The following TMEM209 variants were observed in gnomAD, a reference collection of about 807,000 sequenced individuals.
TMEM209 encodes the protein testicular tissue protein Li 202.
In TMEM209, 65 loss-of-function variants were observed where a neutral mutation model predicts 76.2. The ratio of observed to expected loss-of-function variants is 0.85; its 90% CI spans 0.70 to 1.05. The LOEUF is 1.05. Among genes scored for constraint, TMEM209 ranks in the 50% least tolerant of loss-of-function variants. TMEM209 has a pLI of 0.00. For synonymous variants in TMEM209, 239 were observed against 237.6 expected, an observed-to-expected ratio of 1.01 and a Z score of -0.06; for missense variants, 623 against 685.5, an observed-to-expected ratio of 0.91 and a Z score of 1.02.
At chr7:130,175,354 G>A in intron 11 of TMEM209, 158 bp downstream of exon 11, 1 of 587,256 alleles carries the variant, frequency 1.7e-6, no homozygotes, top group Non-Finnish European at 2.8e-6. Flanking sequence ...CCAGCTACTT[G>A]GGAGGCTGAG....
intron 1 of TMEM209, chr7:130,205,157 C>T: frequency 1.4e-6 from 2 of 1,466,576 alleles, no homozygotes; most frequent in Non-Finnish European, 1.8e-6. Context: ...GCCACTCAGC[C>T]CCCGCGTCCC....
chr7:130,190,873 T>A (rs1479246469), intron 6 of TMEM209, among the ~76,000 whole-genome samples: 1 of 151,948 alleles, frequency 6.6e-6, no homozygotes, highest in Non-Finnish European at 1.5e-5. Flanking sequence ...GGCATGCATC[T>A]GTAGTCCCAG....
At chr7:130,174,027 G>T (rs565870652) in intron 11 of TMEM209, 88 bp from the exon 12 acceptor site, 5 of 878,952 alleles carry the variant, frequency 5.7e-6, no homozygotes, top group South Asian at 5.2e-5. Context: ...TATTTATAAC[G>T]ATTCCAATTA....
chr7:130,202,421 A>T, intron 4 of TMEM209, 111 bp downstream of exon 4: 1 of 1,393,280 alleles, frequency 7.2e-7, no homozygotes, highest in Non-Finnish European at 9.7e-7. Context: ...TATCCTGCTT[A>T]AGATAGCTGA....
chr7:130,187,907 C>T (rs1232806835), intron 6 of TMEM209, among the ~76,000 whole-genome samples: 1 of 152,034 alleles, frequency 6.6e-6, no homozygotes, highest in South Asian at 2.1e-4. Context: ...ACATCAATCA[C>T]AAGGAAACAA....
chr7:130,173,794 C>A (rs1364526539), intron 12 of TMEM209, 31 bp downstream of exon 12: 1 of 1,607,246 alleles, frequency 6.2e-7, no homozygotes, highest in South Asian at 1.1e-5. Context: ...GTGTGAAAAT[C>A]TCAACACATT....
intron 7 of TMEM209, among the ~76,000 whole-genome samples, chr7:130,184,938 T>C (rs1267006156): frequency 2.6e-5 from 4 of 152,240 alleles, no homozygotes; most frequent in Non-Finnish European, 4.4e-5. Flanking sequence ...AGCCTTTTTA[T>C]AATCAATGTA....
chr7:130,171,882 A>T (rs768176313), intron 13 of TMEM209, among the ~76,000 whole-genome samples: 2 of 152,110 alleles, frequency 1.3e-5, no homozygotes, highest in African/African-American at 4.8e-5. Context: ...ATACAAAAAA[A>T]ATTAGCCAAG....
At chr7:130,179,928 T>C (rs2116988620) in intron 9 of TMEM209, among the ~76,000 whole-genome samples, 1 of 152,212 alleles carries the variant, frequency 6.6e-6, no homozygotes, top group East Asian at 1.9e-4. Flanking sequence ...ATAGCACCAC[T>C]GCATTCCCTC....
At position 130,188,366 on chromosome 7, in the gene TMEM209, G is replaced by A. The variant is rs908729662; in HGVS notation, c.776-2999C>T. Among the ~76,000 whole-genome samples, 6 of 152,082 alleles carry A rather than the reference G, an allele frequency of 3.9e-5. No individual in the cohort carries two copies. In the East Asian group the frequency reaches 9.6e-4, roughly 24 times the overall value. On this transcript the variant is annotated intron_variant, in intron 6 of 14. Transcript: ENST00000397622. ...AATCCCAGCACTTTGGGAGGCCAAG[G>A]CGGGCGGATCACAAGGTCAGGAGAT...
At chr7:130,166,846 T>G (rs1479909981) in intron 14 of TMEM209, among the ~76,000 whole-genome samples, 2 of 152,170 alleles carry the variant, frequency 1.3e-5, no homozygotes, top group African/African-American at 4.8e-5. Context: ...GATATGGAGA[T>G]GCTAGCCTCT....
intron 9 of TMEM209, among the ~76,000 whole-genome samples, chr7:130,179,858 G>C (rs929974672): frequency 2.6e-5 from 4 of 152,168 alleles, no homozygotes. Flanking sequence ...CAGCTACTTG[G>C]ATGCGGCTGA....
intron 1 of TMEM209, among the ~76,000 whole-genome samples, chr7:130,204,739 T>C (rs561579625): frequency 1.3e-5 from 2 of 152,322 alleles, no homozygotes; most frequent in African/African-American, 4.8e-5. Context: ...TATTTTGTCT[T>C]TGGGGTATGT....
intron 5 of TMEM209, among the ~76,000 whole-genome samples, chr7:130,201,111 AAAAAAG>A (rs1180705953): frequency 2.6e-5 from 4 of 151,000 alleles, no homozygotes; most frequent in Non-Finnish European, 4.4e-5. Context: ...AAAAAAAAAA[AAAAAAG>A]AAATATGTAA....
Position 130,178,485 on chromosome 7 carries a change from G to A in TMEM209, c.1163C>T (p.Ala388Val), listed in dbSNP as rs1294146379. 1 of 1,613,722 alleles carries A rather than the reference G, an allele frequency of 6.2e-7. No individual in the cohort carries two copies. The highest frequency in any genetic ancestry group is 1.1e-5 in the South Asian group (1 of 91,064). The change falls in exon 10 of 15, where the codon GCG becomes GTG. Residue 388 changes from alanine (A) to valine (V), a missense_variant. By Grantham distance (64) the Ala-to-Val change is moderately conservative. Transcript: ENST00000397622. ...TGTGTTCAAAGTCGGAATGAGAGGC[G>A]CTTTAACCAGGGCAGCTTGTTTCAA... is the stretch of plus-strand genomic sequence containing the variant. ...TSLKQAALVKAPLIPTLNTIV... is the reference protein window; with the variant it reads ...TSLKQAALVKVPLIPTLNTIV...
Position 130,165,439 on chromosome 7 carries a change from C to T in TMEM209, c.*1012G>A, listed in dbSNP as rs1472697645. On this transcript the variant is annotated 3_prime_UTR_variant, in exon 15 of 15. Transcript: ENST00000397622. Reference sequence around the variant, plus strand: ...CTTAAAAAGAGAACTTTAAAAATAACACATTATGGAATAGTAAAACTGAGC... The same window carrying T: ...CTTAAAAAGAGAACTTTAAAAATAATACATTATGGAATAGTAAAACTGAGC... 1 of 152,006 alleles carries T rather than the reference C, an allele frequency of 6.6e-6. No homozygotes were observed. The highest frequency in any genetic ancestry group is 1.5e-5 in the Non-Finnish European group (1 of 67,988). 9.4% of individuals were successfully genotyped at this position (152,006 alleles called of 1,614,324 possible).
At position 130,166,513 on chromosome 7, in the gene TMEM209, G is replaced by A. The variant is rs114300136; in HGVS notation, c.1632-8C>T. On this transcript the variant is annotated splice_region_variant and splice_polypyrimidine_tract_variant and intron_variant, in intron 14 of 14. Coordinates refer to ENST00000397622, the MANE Select transcript of TMEM209 (RefSeq NM_032842.4). ...AGACCAAGATTAACTCTCCTATAAA[G>A]AGAAAAAAAATTTTTATTAGAATTG... 907 of 1,503,700 alleles carry A rather than the reference G, an allele frequency of 6.0e-4. 9 individuals are homozygous for A. The African/African-American group carries it at 0.012, about 20-fold the overall frequency. The allele number at this position is 1,503,700 out of a possible 1,614,324, so 93.1% of individuals were successfully genotyped here. A position where few individuals can be genotyped will look rare whatever the true frequency, so the allele number is the denominator to read the frequency against.
rs540418481 is a variant in TMEM209, at chr7:130,187,528, T to C, written c.776-2161A>G. On this transcript the variant is annotated intron_variant, in intron 6 of 14. Transcript: ENST00000397622. ...GCTGACACCTTTCTCCTACCCCTAG[T>C]CCCTGGTCCTGGTAGAGGACCAGGA... Among the ~76,000 whole-genome samples, 20 of 151,638 alleles carry C rather than the reference T, an allele frequency of 1.3e-4. No individual in the cohort carries two copies. The South Asian group carries it at 3.3e-3, about 25-fold the overall frequency.
chr7:130,201,817 T>C, intron 5 of TMEM209, 33 bp downstream of exon 5: 19 of 1,611,572 alleles, frequency 1.2e-5, no homozygotes, highest in Non-Finnish European at 1.6e-5. Flanking sequence ...AATTCTAAAA[T>C]AATGTGACTA....
Sources: allele counts gnomAD v4.1 joint callset (sites outside exome capture counted in the v4.1 genomes callset), GRCh38; gene constraint gnomAD v4.1.1; transcripts MANE v1.5; gene names NCBI Gene and HGNC (gene_info 2026-07-23, HGNC 2026-07-21).